Variants in PDE11A observed in about 807,000 individuals in gnomAD.
The protein encoded by PDE11A is dual 3',5'-cyclic-AMP and -GMP phosphodiesterase 11A.
A neutral mutation model predicts 100.5 loss-of-function variants in PDE11A; 100 were observed. The ratio of observed to expected loss-of-function variants is 1.00; its 90% CI spans 0.85 to 1.18. PDE11A has a LOEUF of 1.18. PDE11A is among the 50% of genes most tolerant of loss of function. The pLI is 0.00. For missense variants in PDE11A, 1,141 were observed against 1,152.6 expected, an observed-to-expected ratio of 0.99 and a Z score of 0.15; for synonymous variants, 381 against 420.8, an observed-to-expected ratio of 0.91 and a Z score of 1.16.
At position 177,818,041 on chromosome 2, in the gene PDE11A, T is replaced by G. The variant is rs2083072743; in HGVS notation, c.1577-116A>C. On this transcript the variant is annotated intron_variant, in intron 7 of 19. Transcript: ENST00000286063. ...TTAAGGAACTGCACTCAGTTTAAACTCTGGTCTCTCAAGTGCCTGCCGATT... is the reference window on the plus strand; with the variant it reads ...TTAAGGAACTGCACTCAGTTTAAACGCTGGTCTCTCAAGTGCCTGCCGATT... 4.3e-6 allele frequency: 3 copies of G among 692,460 alleles called. No homozygotes were observed. In the East Asian group the frequency reaches 8.3e-5, roughly 19 times the overall value. 42.9% of individuals were successfully genotyped at this position (692,460 alleles called of 1,614,324 possible).
intron 19 of PDE11A, among the ~76,000 whole-genome samples, chr2:177,660,235 C>T (rs1229639412): frequency 6.6e-6 from 1 of 151,854 alleles, no homozygotes; most frequent in Non-Finnish European, 1.5e-5. Flanking sequence ...TTCCAGAGAA[C>T]TCTATGCTCA....
chr2:177,748,500 G>A (rs1315777031), intron 10 of PDE11A, among the ~76,000 whole-genome samples: 1 of 152,096 alleles, frequency 6.6e-6, no homozygotes, highest in Non-Finnish European at 1.5e-5. Context: ...CACTGAGATC[G>A]TGCAATGCCT....
chr2:177,823,788 G>A (rs565859705), intron 6 of PDE11A, among the ~76,000 whole-genome samples: 1 of 152,264 alleles, frequency 6.6e-6, no homozygotes, highest in Admixed American at 6.5e-5. Context: ...AGGATGGCTG[G>A]GTCTGCTTTG....
chr2:178,063,623 G>A (rs1025766157), intron 1 of PDE11A, among the ~76,000 whole-genome samples: 8 of 152,202 alleles, frequency 5.3e-5, no homozygotes, highest in East Asian at 1.9e-4. Flanking sequence ...ATGGGCTATA[G>A]GAGTGGTCTT....
chr2:178,028,325 C>A (rs866602784), intron 1 of PDE11A, among the ~76,000 whole-genome samples: 2 of 126,494 alleles, frequency 1.6e-5, no homozygotes, highest in South Asian at 5.3e-4. Context: ...AAAATGGGGA[C>A]ATGAATCTCT....
At chr2:177,914,911 A>C (rs1292936957) in intron 2 of PDE11A, among the ~76,000 whole-genome samples, 2 of 152,054 alleles carry the variant, frequency 1.3e-5, no homozygotes, top group African/African-American at 2.4e-5. Flanking sequence ...ACATTACATA[A>C]AGGCAGAATC....
intron 2 of PDE11A, among the ~76,000 whole-genome samples, chr2:178,099,446 G>GAAAAAAAAAAAAAAAAAAAAAAAAAAAAA (rs201692711): frequency 1.2e-5 from 1 of 84,558 alleles, no homozygotes; most frequent in Non-Finnish European, 2.4e-5. Context: ...CATCTCAAGA[G>GAAAAAAAAAAAAAAAAAAAAAAAAAAAAA]AAAAAAAAAA....
intron 15 of PDE11A, among the ~76,000 whole-genome samples, chr2:177,691,437 G>A (rs562961611): frequency 6.6e-6 from 1 of 152,284 alleles, no homozygotes; most frequent in African/African-American, 2.4e-5. Flanking sequence ...CTAACACAAA[G>A]TGTGTTTGGA....
intron 15 of PDE11A, 36 bp from the exon 16 acceptor site, chr2:177,680,939 A>G (rs1030351803): frequency 5.8e-6 from 7 of 1,203,622 alleles, no homozygotes; most frequent in Admixed American, 1.7e-5. Flanking sequence ...AAAGAAAAAA[A>G]AAACTGGAAT....
intron 12 of PDE11A, among the ~76,000 whole-genome samples, chr2:177,716,290 C>T (rs1238063476): frequency 1.3e-5 from 2 of 152,154 alleles, no homozygotes; most frequent in Non-Finnish European, 2.9e-5. Flanking sequence ...CCATCACTCC[C>T]TCATTCCACA....
At chr2:177,798,208 T>G (rs73977772) in intron 9 of PDE11A, among the ~76,000 whole-genome samples, 2,516 of 152,328 alleles carry the variant, frequency 0.017, 69 homozygotes, top group African/African-American at 0.058. Context: ...TTGCCTTCTA[T>G]GCAAAGCAGT....
chr2:177,763,105 GC>G (rs1310464420), intron 10 of PDE11A, among the ~76,000 whole-genome samples: 1 of 152,186 alleles, frequency 6.6e-6, no homozygotes, highest in African/African-American at 2.4e-5. Context: ...ATTTATGGAT[GC>G]GTCCTGAGCA....
intron 19 of PDE11A, among the ~76,000 whole-genome samples, chr2:177,655,128 A>C (rs1212466065): frequency 6.6e-6 from 1 of 152,128 alleles, no homozygotes; most frequent in Non-Finnish European, 1.5e-5. Context: ...CAAAAACCTT[A>C]TTGTGGGTAT....
chr2:177,655,950 T>C (rs1465715391), intron 19 of PDE11A, among the ~76,000 whole-genome samples: 1 of 152,216 alleles, frequency 6.6e-6, no homozygotes, highest in Non-Finnish European at 1.5e-5. Flanking sequence ...GGACTACATT[T>C]TCTGGCAATG....
At chr2:178,106,953 C>T (rs1207958782) in intron 1 of PDE11A, among the ~76,000 whole-genome samples, 3 of 114,944 alleles carry the variant, frequency 2.6e-5, no homozygotes, top group Non-Finnish European at 5.2e-5. Context: ...AAGCAAGACT[C>T]TCTCAAAAAA....
chr2:178,010,443 G>A (rs763712966), intron 2 of PDE11A, among the ~76,000 whole-genome samples: 2 of 152,090 alleles, frequency 1.3e-5, no homozygotes, highest in African/African-American at 2.4e-5. Context: ...TGAGAAATTA[G>A]GTACACATAC....
At chr2:177,738,419 C>T (rs1275574212) in intron 10 of PDE11A, among the ~76,000 whole-genome samples, 2 of 152,114 alleles carry the variant, frequency 1.3e-5, no homozygotes, top group Admixed American at 6.5e-5. Context: ...TTGGGGGAGA[C>T]AAGAGGCAGT....
At chr2:177,685,610 C>T (rs77885212) in intron 15 of PDE11A, among the ~76,000 whole-genome samples, 7,051 of 151,994 alleles carry the variant, frequency 0.046, 187 homozygotes, top group Middle Eastern at 0.086. Context: ...AGTGCAATGT[C>T]GCGATCTTGG....
chr2:178,017,711 A>G (rs754214167), intron 1 of PDE11A, among the ~76,000 whole-genome samples: 2 of 152,154 alleles, frequency 1.3e-5, no homozygotes, highest in Non-Finnish European at 2.9e-5. Flanking sequence ...CTGTAATCTC[A>G]GCACGTTGGG....
Sources: allele counts gnomAD v4.1 joint callset (sites outside exome capture counted in the v4.1 genomes callset), GRCh38; gene constraint gnomAD v4.1.1; transcripts MANE v1.5; gene names NCBI Gene and HGNC (gene_info 2026-07-23, HGNC 2026-07-21).